CUX2: variants seen among roughly 807,000 people sequenced by gnomAD.
CUX2 encodes homeobox protein cut-like 2.
A neutral mutation model predicts 144.8 loss-of-function variants in CUX2; 40 were observed. That is an observed-to-expected ratio of 0.28 (90% CI 0.21 to 0.36). The LOEUF is 0.36. Ranked by LOEUF, CUX2 falls within the 10% of genes least tolerant of loss-of-function variation. CUX2 has a pLI of 1.00. For synonymous variants in CUX2, 827 were observed against 875.6 expected (o/e 0.94, Z 0.98); for missense variants, 1,615 against 1,994.0 (o/e 0.81, Z 3.62).
chr12:111,097,223 G>A lies in CUX2; in HGVS notation c.63+62983G>A, dbSNP rs1872872751. On this transcript the variant is annotated intron_variant, in intron 1 of 21. Coordinates refer to ENST00000261726, the MANE Select transcript of CUX2 (RefSeq NM_015267.4). ...ACATGAGACCCTCAAATGTGTGTGT[G>A]TCACCTGAGACCACCAGGTGTGGCC... Among the ~76,000 whole-genome samples the A allele has an allele frequency of 2.0e-5, 3 of 152,202 alleles. No individual in the cohort carries two copies. The South Asian group carries it at 6.2e-4, about 31-fold the overall frequency.
Position 111,321,688 on chromosome 12 carries a change from A to C in CUX2, c.2767-733A>C, listed in dbSNP as rs1296121077. On this transcript the variant is annotated intron_variant, in intron 17 of 21. Coordinates refer to ENST00000261726, the MANE Select transcript of CUX2 (RefSeq NM_015267.4). Reference sequence around the variant, plus strand: ...CAGAGCAAGACCTCATCCCCCCAAAAATAAATAAAAATTTAAAAAGAAAGG... The same window carrying C: ...CAGAGCAAGACCTCATCCCCCCAAACATAAATAAAAATTTAAAAAGAAAGG... Among the ~76,000 whole-genome samples the C allele has an allele frequency of 4.6e-5, 7 of 152,076 alleles. No individual in the cohort carries two copies. In the East Asian group the frequency reaches 1.4e-3, roughly 29 times the overall value.
At chr12:111,045,336 T>C (rs1869946549) in intron 1 of CUX2, among the ~76,000 whole-genome samples, 1 of 152,174 alleles carries the variant, frequency 6.6e-6, no homozygotes, top group Non-Finnish European at 1.5e-5. Flanking sequence ...ACAGGTCATT[T>C]ATTCATTTGA....
intron 20 of CUX2, among the ~76,000 whole-genome samples, chr12:111,340,657 T>C (rs1888536374): frequency 2.0e-5 from 3 of 152,354 alleles, no homozygotes; most frequent in South Asian, 2.1e-4. Flanking sequence ...CATTCTTAAA[T>C]ATCTGCTAGC....
At chr12:111,165,173 T>A (rs1347892994) in intron 1 of CUX2, among the ~76,000 whole-genome samples, 1 of 152,104 alleles carries the variant, frequency 6.6e-6, no homozygotes, top group Middle Eastern at 3.2e-3. Flanking sequence ...TTTATGCGGG[T>A]AAGGATGGGG....
intron 1 of CUX2, among the ~76,000 whole-genome samples, chr12:111,091,360 C>T (rs559026359): frequency 2.2e-4 from 34 of 152,270 alleles, no homozygotes; most frequent in Non-Finnish European, 4.0e-4. Flanking sequence ...CACAAAGGCC[C>T]GGAGGAGACA....
intron 1 of CUX2, among the ~76,000 whole-genome samples, chr12:111,069,531 T>TGTGTGTGTGTGTGTGTGTGCGCGCGCGC (rs1566199139): frequency 2.2e-4 from 31 of 143,942 alleles, no homozygotes; most frequent in Non-Finnish European, 3.8e-4. Flanking sequence ...TGTGTGTGTG[T>TGTGTGTGTGTGTGTGTGTGCGCGCGCGC]GTGTGTGTGT....
chr12:111,120,737 G>T (rs913951128), intron 1 of CUX2, among the ~76,000 whole-genome samples: 3 of 151,650 alleles, frequency 2.0e-5, no homozygotes, highest in African/African-American at 7.3e-5. Context: ...TTACCAGGCT[G>T]CTGGAGATTA....
Position 111,243,700 on chromosome 12 carries a change from G to A in CUX2, c.223-20061G>A, listed in dbSNP as rs553371666. 9.2e-5 allele frequency among the ~76,000 whole-genome samples: 14 copies of A among 151,944 alleles called. No homozygotes were observed. The East Asian group carries it at 2.3e-3, about 25-fold the overall frequency. ...TACCTCTTAAGTAGAGTGATCAACT[G>A]TCACAGCTTGGCCCTGGACTGAGGG... On this transcript the variant is annotated intron_variant, in intron 3 of 21. Transcript: ENST00000261726.
chr12:111,057,515 G>A lies in CUX2; in HGVS notation c.63+23275G>A, dbSNP rs1029226094. On this transcript the variant is annotated intron_variant, in intron 1 of 21. Coordinates refer to ENST00000261726, the MANE Select transcript of CUX2 (RefSeq NM_015267.4). This position sits in a 1 kb window ranked among gnomAD's most constrained non-coding sequence, Gnocchi z 5.1. ...AAGCTGCCCTCTTGAGGGCCTCAGG[G>A]TGACCAGGCCGATTCCAACGTGGGG... Among the ~76,000 whole-genome samples the A allele has an allele frequency of 2.0e-5, 3 of 152,108 alleles. No individual in the cohort carries two copies. The highest frequency in any genetic ancestry group is 4.8e-5 in the African/African-American group (2 of 41,402).
intron 1 of CUX2, among the ~76,000 whole-genome samples, chr12:111,142,819 C>T (rs1046230145): frequency 3.9e-5 from 6 of 152,092 alleles, no homozygotes; most frequent in South Asian, 2.1e-4. Flanking sequence ...CCTGTGTAAC[C>T]GCTGGGATTT....
intron 3 of CUX2, among the ~76,000 whole-genome samples, chr12:111,221,424 C>T (rs775895192): frequency 2.0e-4 from 30 of 152,172 alleles, no homozygotes; most frequent in Non-Finnish European, 4.3e-4. Context: ...AATGAGGCCT[C>T]ATCCTTTATG....
chr12:111,243,469 T>C (rs1039461941), intron 3 of CUX2, among the ~76,000 whole-genome samples: 5 of 149,402 alleles, frequency 3.3e-5, no homozygotes, highest in Non-Finnish European at 7.4e-5. Flanking sequence ...CTCAAATAGG[T>C]TCACACATTA....
At chr12:111,268,207 GTTTGTTTTTTGTTT>G (rs201865877) in intron 4 of CUX2, among the ~76,000 whole-genome samples, 4,713 of 142,816 alleles carry the variant, frequency 0.033, 102 homozygotes, top group African/African-American at 0.057. Context: ...TTTGGTTTTT[GTTTGTTTTTTGTTT>G]TTTGTTTTTT....
At chr12:111,090,660 A>G (rs901031527) in intron 1 of CUX2, among the ~76,000 whole-genome samples, 3 of 152,028 alleles carry the variant, frequency 2.0e-5, no homozygotes, top group African/African-American at 7.2e-5. Context: ...GTGAGGGTCA[A>G]ATGATATCCT....
intron 4 of CUX2, among the ~76,000 whole-genome samples, chr12:111,290,346 C>T (rs773061553): frequency 4.6e-5 from 7 of 152,156 alleles, no homozygotes; most frequent in South Asian, 2.1e-4. Flanking sequence ...TCTGCAGCCT[C>T]GACCTCCCAG....
chr12:111,344,034 C>T (rs909187635), intron 21 of CUX2, among the ~76,000 whole-genome samples: 1 of 152,160 alleles, frequency 6.6e-6, no homozygotes, highest in African/African-American at 2.4e-5. Context: ...GCCTGGGTGA[C>T]AGAGTGAGAC....
chr12:111,187,615 C>G (rs1224528885), intron 1 of CUX2, among the ~76,000 whole-genome samples: 3 of 152,210 alleles, frequency 2.0e-5, no homozygotes, highest in Non-Finnish European at 2.9e-5. Context: ...CCCTGGGCAC[C>G]CCCGTGCCAC....
chr12:111,063,850 T>C (rs917864264), intron 1 of CUX2, among the ~76,000 whole-genome samples: 6 of 152,230 alleles, frequency 3.9e-5, no homozygotes, highest in Non-Finnish European at 7.3e-5. Flanking sequence ...TGAGCCATTC[T>C]GGGCTGTTGA....
At chr12:111,167,310 C>G (rs568597753) in intron 1 of CUX2, among the ~76,000 whole-genome samples, 1 of 152,316 alleles carries the variant, frequency 6.6e-6, no homozygotes, top group South Asian at 2.1e-4. Context: ...AAAGTTCACA[C>G]TCCTTGACTT....
Sources: gnomAD v4.1 joint callset for allele counts (sites outside exome capture counted in the v4.1 genomes callset) on GRCh38, gnomAD v4.1.1 for gene constraint, Gnocchi (gnomAD v3.1) non-coding constraint, MANE v1.5 for transcripts, NCBI Gene and HGNC (gene_info 2026-07-23, HGNC 2026-07-21) for gene names.